Variants in VGLL3 observed in about 807,000 individuals in gnomAD.
VGLL3 encodes vestigial like family member 3.
Under a neutral mutation model 29.2 loss-of-function variants are expected in VGLL3, and 18 were observed. That is an observed-to-expected ratio of 0.62 (90% CI 0.43 to 0.91). VGLL3 has a LOEUF of 0.91. VGLL3 is among the 40% of genes least tolerant of loss of function. The probability of loss-of-function intolerance (pLI) is 0.00; values close to 1 mark genes in which losing one functional copy is unlikely to be tolerated. For missense variants in VGLL3, 440 were observed against 413.2 expected (o/e 1.06, Z -0.56); for synonymous variants, 180 against 151.8 (o/e 1.19, Z -1.36).
chr3:86,958,420 G>T (rs561186717), intron 3 of VGLL3, among the ~76,000 whole-genome samples: 1 of 152,096 alleles, frequency 6.6e-6, no homozygotes, highest in Non-Finnish European at 1.5e-5. Flanking sequence ...TTTACACCAC[G>T]TAACTATTTG....
At chr3:86,949,878 A>ATTT in intron 3 of VGLL3, among the ~76,000 whole-genome samples, 1 of 152,186 alleles carries the variant, frequency 6.6e-6, no homozygotes, top group South Asian at 2.1e-4. Context: ...CAGGGCTACA[A>ATTT]TTTTTTCTTA....
intron 3 of VGLL3, among the ~76,000 whole-genome samples, chr3:86,966,776 T>C (rs1156975192): frequency 3.5e-4 from 3 of 8,648 alleles, no homozygotes; most frequent in Non-Finnish European, 6.5e-4. Flanking sequence ...TGTGTGTGTA[T>C]ATATATATAT....
rs1002802341 is a variant in VGLL3 at position 86,947,176 on chromosome 3, G to A, written c.938-109C>T. The A allele has an allele frequency of 1.1e-4, 78 of 715,404 alleles. 1 individual carries two copies. The Middle Eastern group carries it at 1.3e-3, about 12-fold the overall frequency. The allele number at this position is 715,404 out of a possible 1,614,324, so 44.3% of individuals were successfully genotyped here. ...TATAGAAACCAAAATGATAATCCAG[G>A]CAACTGTGAGTTCTGACCTGAAGAC... is the stretch of plus-strand genomic sequence containing the variant. On this transcript the variant is annotated intron_variant, in intron 3 of 3. Coordinates refer to ENST00000398399, the MANE Select transcript of VGLL3 (RefSeq NM_016206.4).
intron 2 of VGLL3, among the ~76,000 whole-genome samples, chr3:86,975,680 T>C (rs2107040040): frequency 6.6e-6 from 1 of 152,306 alleles, no homozygotes; most frequent in South Asian, 2.1e-4. Context: ...TAGAAACACA[T>C]TGTTGTGAGC....
chr3:86,973,297 A>G (rs1705143175), intron 2 of VGLL3, among the ~76,000 whole-genome samples: 1 of 152,210 alleles, frequency 6.6e-6, no homozygotes, highest in Admixed American at 6.5e-5. Flanking sequence ...TTAAAATATG[A>G]TTATTAAATG....
chr3:86,984,741 G>T (rs1490673963), intron 1 of VGLL3, among the ~76,000 whole-genome samples: 2 of 151,946 alleles, frequency 1.3e-5, no homozygotes, highest in Non-Finnish European at 2.9e-5. Flanking sequence ...CAAAGACTTG[G>T]AGTCACAAAG....
intron 3 of VGLL3, among the ~76,000 whole-genome samples, chr3:86,958,402 G>T (rs531397275): frequency 6.6e-6 from 1 of 152,226 alleles, no homozygotes; most frequent in East Asian, 1.9e-4. Context: ...CTTTTACAAT[G>T]ATTCAAATTT....
At chr3:86,973,649 T>C (rs1329725121) in intron 2 of VGLL3, among the ~76,000 whole-genome samples, 2 of 152,188 alleles carry the variant, frequency 1.3e-5, no homozygotes, top group African/African-American at 4.8e-5. Context: ...CACGCCTCAC[T>C]TTTTTCCCCA....
At chr3:86,976,485 T>C (rs934232936) in intron 2 of VGLL3, among the ~76,000 whole-genome samples, 2 of 152,238 alleles carry the variant, frequency 1.3e-5, no homozygotes, top group African/African-American at 2.4e-5. Context: ...GGTTAATAAA[T>C]GTTTGCTGAA....
At chr3:86,988,186 T>C (rs929506297) in intron 1 of VGLL3, among the ~76,000 whole-genome samples, 8 of 152,196 alleles carry the variant, frequency 5.3e-5, no homozygotes, top group African/African-American at 7.2e-5. Flanking sequence ...ATTTTTTAAA[T>C]GGCTATTAAA....
intron 3 of VGLL3, 38 bp from the exon 4 acceptor site, chr3:86,947,105 T>C (rs1416357203): frequency 1.3e-6 from 1 of 779,464 alleles, no homozygotes. Flanking sequence ...TAAAGAACAT[T>C]AATACATATG....
chr3:86,957,072 G>A (rs1352911189), intron 3 of VGLL3, among the ~76,000 whole-genome samples: 1 of 152,018 alleles, frequency 6.6e-6, no homozygotes, highest in Non-Finnish European at 1.5e-5. Context: ...CAATACGTAA[G>A]CATAATGGGA....
rs1476246804 is a variant in VGLL3 at position 86,943,243 on chromosome 3, C to T, written c.*3781G>A. 1 of 152,184 alleles carries T rather than the reference C, an allele frequency of 6.6e-6. No individual in the cohort carries two copies. The highest frequency in any genetic ancestry group is 1.9e-4 in the East Asian group (1 of 5,200). 9.4% of individuals were successfully genotyped at this position (152,184 alleles called of 1,614,324 possible). On this transcript the variant is annotated 3_prime_UTR_variant, in exon 4 of 4. Coordinates refer to ENST00000398399, the MANE Select transcript of VGLL3 (RefSeq NM_016206.4). ...CATATATACTTTCCTTTTTCCACCACTTAACGCCACTGCCCCCATCGGCTT... is the reference window on the plus strand; with the variant it reads ...CATATATACTTTCCTTTTTCCACCATTTAACGCCACTGCCCCCATCGGCTT...
chr3:86,955,188 C>G (rs980127876), intron 3 of VGLL3, among the ~76,000 whole-genome samples: 2 of 152,056 alleles, frequency 1.3e-5, no homozygotes, highest in African/African-American at 4.8e-5. Flanking sequence ...ATAACATTTA[C>G]TACTCCAAAA....
chr3:86,957,337 A>T lies in VGLL3; in HGVS notation c.938-10270T>A, dbSNP rs147346329. ...CAAGAACAGGAAATAATTAAGTCAGACACAGACAAAATAAAAATGACAGAT... is the reference window on the plus strand; with the variant it reads ...CAAGAACAGGAAATAATTAAGTCAGTCACAGACAAAATAAAAATGACAGAT... On this transcript the variant is annotated intron_variant, in intron 3 of 3. Coordinates refer to ENST00000398399, the MANE Select transcript of VGLL3 (RefSeq NM_016206.4). 7.2e-5 allele frequency among the ~76,000 whole-genome samples: 11 copies of T among 152,342 alleles called. No homozygotes were observed. In the East Asian group the frequency reaches 2.1e-3, roughly 29 times the overall value.
chr3:86,946,812 T>G lies in VGLL3; in HGVS notation c.*212A>C. 2.0e-6 allele frequency: 1 copy of G among 492,572 alleles called. No homozygotes were observed. The highest frequency in any genetic ancestry group is 3.6e-6 in the Non-Finnish European group (1 of 276,894). The allele number at this position is 492,572 out of a possible 1,614,324, so 30.5% of individuals were successfully genotyped here. ...GTTGCACAGTTGGCAAAGGCTCAGA[T>G]GAGGAAATAAACAAATAAAAATGCT... is the stretch of plus-strand genomic sequence containing the variant. On this transcript the variant is annotated 3_prime_UTR_variant, in exon 4 of 4. Coordinates refer to ENST00000398399, the MANE Select transcript of VGLL3 (RefSeq NM_016206.4).
At chr3:86,972,581 C>T (rs1213792002) in intron 2 of VGLL3, among the ~76,000 whole-genome samples, 1 of 152,068 alleles carries the variant, frequency 6.6e-6, no homozygotes, top group East Asian at 1.9e-4. Context: ...AAATTTTTTT[C>T]ATTACATGAT....
Position 86,941,687 on chromosome 3 carries a change from G to A in VGLL3, c.*5337C>T, listed in dbSNP as rs1231621275. The A allele has an allele frequency of 6.6e-6, 1 of 151,670 alleles. No homozygotes were observed. Among genetic ancestry groups the A allele is most frequent in the African/African-American group, 2.4e-5 (1 of 41,298 alleles). The allele number at this position is 151,670 out of a possible 1,614,324, so 9.4% of individuals were successfully genotyped here. On this transcript the variant is annotated 3_prime_UTR_variant, in exon 4 of 4. Coordinates refer to ENST00000398399, the MANE Select transcript of VGLL3 (RefSeq NM_016206.4). Reference sequence around the variant, plus strand: ...TATTTTTAAACAAAAAAGCACAATAGACAATAAAAGAAATAGAAAAGTTGA... The same window carrying A: ...TATTTTTAAACAAAAAAGCACAATAAACAATAAAAGAAATAGAAAAGTTGA...
chr3:86,958,018 A>T (rs1461287350), intron 3 of VGLL3, among the ~76,000 whole-genome samples: 4 of 152,222 alleles, frequency 2.6e-5, no homozygotes, highest in African/African-American at 9.7e-5. Context: ...CATACGATAC[A>T]GACAAATATG....
Sources: allele counts gnomAD v4.1 joint callset (sites outside exome capture counted in the v4.1 genomes callset), GRCh38; gene constraint gnomAD v4.1.1; transcripts MANE v1.5; gene names NCBI Gene and HGNC (gene_info 2026-07-23, HGNC 2026-07-21).